The following SAV1 variants were observed in gnomAD, a reference collection of about 807,000 sequenced individuals.
The protein encoded by SAV1 is salvador family WW domain containing protein 1.
Under a neutral mutation model 47.3 loss-of-function variants are expected in SAV1, and 23 were observed. The observed-to-expected ratio is 0.49, with a 90% confidence interval of 0.35 to 0.69. The LOEUF is 0.69. Among genes scored for constraint, SAV1 ranks in the 30% least tolerant of loss-of-function variants. The probability of loss-of-function intolerance (pLI) is 0.01; values close to 1 mark genes in which losing one functional copy is unlikely to be tolerated. For synonymous variants in SAV1, 155 were observed against 159.2 expected (o/e 0.97, Z 0.20); for missense variants, 448 against 457.4 (o/e 0.98, Z 0.19).
At chr14:50,644,676 ATATCAGTTCAAAACCTAACAT>A in intron 3 of SAV1, 47 bp downstream of exon 3, 3 of 1,404,276 alleles carry the variant, frequency 2.1e-6, no homozygotes, top group Non-Finnish European at 2.9e-6. Context: ...TTAGATGAAA[ATATCAGTTCAAAACCTAACAT>A]TAGACAATCC....
intron 2 of SAV1, among the ~76,000 whole-genome samples, chr14:50,654,840 C>T (rs1056163477): frequency 1.3e-5 from 2 of 152,150 alleles, no homozygotes; most frequent in African/African-American, 4.8e-5. Flanking sequence ...CTTAACATCA[C>T]AGACAAATCA....
chr14:50,640,937 A>C, intron 3 of SAV1, 44 bp from the exon 4 acceptor site: 2 of 1,528,500 alleles, frequency 1.3e-6, no homozygotes, highest in Non-Finnish European at 1.8e-6. Context: ...AGGTCTTAAA[A>C]TCTAAACAAG....
At chr14:50,660,988 C>A (rs1187779932) in intron 2 of SAV1, among the ~76,000 whole-genome samples, 2 of 152,174 alleles carry the variant, frequency 1.3e-5, no homozygotes, top group African/African-American at 4.8e-5. Context: ...GTGGAACTGC[C>A]GGATCATATG....
chr14:50,667,594 A>C, intron 1 of SAV1: 1 of 499,460 alleles, frequency 2.0e-6, no homozygotes. Context: ...CTCTTCCAGT[A>C]ATCAAAACCA....
rs1156232015 is a variant in SAV1 at position 50,668,080 on chromosome 14, GCCGCCGCCT to G, written c.-122_-114del. On this transcript the variant is annotated 5_prime_UTR_variant, in exon 1 of 5. Transcript: ENST00000324679. ...GCGCCGCCGCCTCCTTCCCTCCCGA[GCCGCCGCCT>G]CCGCCGCCGCCTGTCCGGAGCCCGG... 1.6e-6 allele frequency: 1 copy of G among 633,216 alleles called. No individual in the cohort carries two copies. Among genetic ancestry groups the G allele is most frequent in the Non-Finnish European group, 2.3e-6 (1 of 442,964 alleles). 39.2% of individuals were successfully genotyped at this position (633,216 alleles called of 1,614,324 possible).
At chr14:50,659,993 A>G (rs1036805778) in intron 2 of SAV1, among the ~76,000 whole-genome samples, 15 of 152,196 alleles carry the variant, frequency 9.9e-5, no homozygotes, top group Non-Finnish European at 2.1e-4. Context: ...CTGCTAAGCT[A>G]TAGGTTTAAA....
chr14:50,667,833 C>T, intron 1 of SAV1, 41 bp downstream of exon 1: 1 of 1,571,452 alleles, frequency 6.4e-7, no homozygotes, highest in Non-Finnish European at 8.7e-7. Flanking sequence ...GAGCACCTGG[C>T]CGCCTGGGCC....
At chr14:50,640,128 C>T (rs1386087084) in intron 4 of SAV1, among the ~76,000 whole-genome samples, 1 of 152,140 alleles carries the variant, frequency 6.6e-6, no homozygotes, top group Non-Finnish European at 1.5e-5. Flanking sequence ...AGATCACAGG[C>T]ATACACCACA....
At chr14:50,664,466 A>C (rs1426090292) in intron 2 of SAV1, 1 of 152,192 alleles carries the variant, frequency 6.6e-6, no homozygotes, top group African/African-American at 2.4e-5. Flanking sequence ...TTATCTGGTA[A>C]AACCAGGACT....
rs1408797349 is a variant in SAV1, at chr14:50,634,175, C to CTGAAAATAAGGAAGATGATGT, written c.*987_*1007dup. The CTGAAAATAAGGAAGATGATGT allele has an allele frequency of 5.1e-5, 23 of 455,188 alleles. No individual in the cohort carries two copies. The highest frequency in any genetic ancestry group is 1.4e-4 in the Admixed American group (6 of 42,546). The allele number at this position is 455,188 out of a possible 1,614,324, so 28.2% of individuals were successfully genotyped here. ...ATGCTAAATGCAGTAACAGCACTGG[C>CTGAAAATAAGGAAGATGATGT]TGAAAATAAGGAAGATGATGTTAGC... On this transcript the variant is annotated 3_prime_UTR_variant, in exon 5 of 5. Coordinates refer to ENST00000324679, the MANE Select transcript of SAV1 (RefSeq NM_021818.4).
chr14:50,645,103 A>T, intron 2 of SAV1, 89 bp from the exon 3 acceptor site: 1 of 1,101,118 alleles, frequency 9.1e-7, no homozygotes, highest in Non-Finnish European at 1.3e-6. Flanking sequence ...AACATTAACT[A>T]TCCTGATTGT....
intron 2 of SAV1, among the ~76,000 whole-genome samples, chr14:50,647,203 A>G (rs2039729605): frequency 6.6e-6 from 1 of 152,124 alleles, no homozygotes; most frequent in Non-Finnish European, 1.5e-5. Flanking sequence ...TTTTTTTACC[A>G]TGATGCTGAA....
intron 3 of SAV1, among the ~76,000 whole-genome samples, chr14:50,644,202 T>G (rs1595637799): frequency 1.3e-5 from 2 of 152,326 alleles, no homozygotes; most frequent in Admixed American, 1.3e-4. Flanking sequence ...ACAAAGCAGA[T>G]CTACCCAGCC....
chr14:50,660,534 T>C (rs564471364), intron 2 of SAV1, among the ~76,000 whole-genome samples: 9 of 152,250 alleles, frequency 5.9e-5, no homozygotes, highest in Admixed American at 2.0e-4. Context: ...CATGTGATAT[T>C]GTGATACATG....
intron 1 of SAV1, among the ~76,000 whole-genome samples, chr14:50,666,793 A>C (rs565282520): frequency 6.6e-6 from 1 of 152,030 alleles, no homozygotes; most frequent in East Asian, 1.9e-4. Context: ...AAAAAAAAAA[A>C]AAACAACTTA....
At position 50,668,111 on chromosome 14, in the gene SAV1, C is replaced by T. The variant is rs1244568276; in HGVS notation, c.-144G>A. The T allele has an allele frequency of 7.2e-6, 3 of 415,432 alleles. No individual in the cohort carries two copies. The highest frequency in any genetic ancestry group is 1.2e-5 in the Non-Finnish European group (3 of 254,858). 25.7% of individuals were successfully genotyped at this position (415,432 alleles called of 1,614,324 possible). On this transcript the variant is annotated 5_prime_UTR_variant, in exon 1 of 5. Transcript: ENST00000324679. The stretch of plus-strand genomic sequence containing the variant: ...GCCTCCGCCGCCGCCTGTCCGGAGC[C>T]CGGGGTCGCCCGCAGGGACTGCCGC...
chr14:50,662,022 G>C (rs1273846034), intron 2 of SAV1, among the ~76,000 whole-genome samples: 1 of 152,094 alleles, frequency 6.6e-6, no homozygotes, highest in African/African-American at 2.4e-5. Flanking sequence ...TTTTAATAGG[G>C]ATTGCATTCA....
Position 50,665,621 on chromosome 14 carries a change from T to TA in SAV1, c.95-3dup. 6.3e-7 allele frequency: 1 copy of TA among 1,581,548 alleles called. No homozygotes were observed. Among genetic ancestry groups the TA allele is most frequent in the East Asian group, 2.2e-5 (1 of 44,478 alleles). ...GCCGGATGAATGAAGGCATAAGATC[T>TA]ACAATAAAACAAAGGATAAAATTAC... On this transcript the variant is annotated splice_region_variant and splice_polypyrimidine_tract_variant and intron_variant, in intron 1 of 4. Coordinates refer to ENST00000324679, the MANE Select transcript of SAV1 (RefSeq NM_021818.4).
At chr14:50,636,287 A>T (rs970329895) in intron 4 of SAV1, among the ~76,000 whole-genome samples, 2 of 152,144 alleles carry the variant, frequency 1.3e-5, no homozygotes, top group African/African-American at 4.8e-5. Context: ...CATTTGCATC[A>T]TTCATGTTGA....
Sources: allele counts gnomAD v4.1 joint callset (sites outside exome capture counted in the v4.1 genomes callset), GRCh38; gene constraint gnomAD v4.1.1; transcripts MANE v1.5; gene names NCBI Gene and HGNC (gene_info 2026-07-23, HGNC 2026-07-21).